Variants in EP300 observed in about 807,000 individuals in gnomAD.
The protein encoded by EP300 is histone acetyltransferase p300.
In EP300, 31 loss-of-function variants were observed where a neutral mutation model predicts 264.0. The ratio of observed to expected loss-of-function variants is 0.12; its 90% CI spans 0.09 to 0.16. EP300 has a LOEUF of 0.16. Ranked by LOEUF, EP300 falls within the 10% of genes least tolerant of loss-of-function variation. The pLI is 1.00. For missense variants in EP300, 2,766 were observed against 3,052.9 expected (o/e 0.91, Z 2.21); for synonymous variants, 1,340 against 1,045.4 (o/e 1.28, Z -5.44).
rs187678771 is a variant in EP300 at position 41,101,273 on chromosome 22, C to G, written c.94+8175C>G. On this transcript the variant is annotated intron_variant, in intron 1 of 30. Coordinates refer to ENST00000263253, the MANE Select transcript of EP300 (RefSeq NM_001429.4). ...TATTTTTAGTAGAGATAGGGTTTCA[C>G]CGTGTTGGCCAGGCTGGTCTCGAAC... 3.0e-3 allele frequency among the ~76,000 whole-genome samples: 454 copies of G among 152,044 alleles called. 1 individual carries two copies. The highest frequency in any genetic ancestry group is 0.011 in the African/African-American group (441 of 41,452).
In EP300 at chr22:41,169,083, G is replaced by A. The variant is rs146264249; in HGVS notation, c.4172+216G>A. ...GCTCTTCTGTGGTCATAGTAATAAAGGATATGAATAGCAACCTGAAATTGG... is the reference window on the plus strand; with the variant it reads ...GCTCTTCTGTGGTCATAGTAATAAAAGATATGAATAGCAACCTGAAATTGG... On this transcript the variant is annotated intron_variant, in intron 25 of 30. Coordinates refer to ENST00000263253, the MANE Select transcript of EP300 (RefSeq NM_001429.4). 43 of 649,208 alleles carry A rather than the reference G, an allele frequency of 6.6e-5. No homozygotes were observed. In the African/African-American group the frequency reaches 6.9e-4, roughly 10 times the overall value. The allele number at this position is 649,208 out of a possible 1,614,324, so 40.2% of individuals were successfully genotyped here. A position where few individuals can be genotyped will look rare whatever the true frequency, so the allele number is the denominator to read the frequency against.
At position 41,168,750 on chromosome 22, in the gene EP300, C is replaced by T. The variant is rs748959061; in HGVS notation, c.4055C>T (p.Ser1352Phe). ...GTGGACAGTGGAGAGATGGCAGAATCCTTTCCATACCGAACCAAAGCCCTC... is the reference window on the plus strand; with the variant it reads ...GTGGACAGTGGAGAGATGGCAGAATTCTTTCCATACCGAACCAAAGCCCTC... The part of the protein sequence containing the change: ...RFVDSGEMAE[S>F]FPYRTKALFA... Residue 1352 changes from serine (S) to phenylalanine (F), a missense_variant, in exon 25 of 31, where the codon TCC (serine) becomes TTC (phenylalanine). Ser to Phe is a radical substitution (Grantham distance 155). Transcript: ENST00000263253. The T allele has an allele frequency of 5.0e-6, 8 of 1,614,204 alleles. No homozygotes were observed. The highest frequency in any genetic ancestry group is 5.9e-6 in the Non-Finnish European group (7 of 1,180,042).
intron 10 of EP300, among the ~76,000 whole-genome samples, chr22:41,144,981 C>G (rs947110389): frequency 9.9e-5 from 15 of 152,256 alleles, no homozygotes; most frequent in South Asian, 6.2e-4. Context: ...ATGGCTGACT[C>G]TAGAAGAGCT....
chr22:41,115,927 G>C (rs1164700115), intron 1 of EP300, among the ~76,000 whole-genome samples: 1 of 152,218 alleles, frequency 6.6e-6, no homozygotes, highest in Non-Finnish European at 1.5e-5. Flanking sequence ...CACACACTGA[G>C]TGTTCCACAA....
In EP300 at chr22:41,176,991, G is replaced by A. The variant is rs148892028; in HGVS notation, c.5280G>A (p.Lys1760=). The change falls in exon 31 of 31, where the codon AAG becomes AAA. Residue 1760 remains lysine, a synonymous_variant. Coordinates refer to ENST00000263253, the MANE Select transcript of EP300 (RefSeq NM_001429.4). ...NANCSLPSCQ[K]MKRVVQHTKG... is the part of the protein sequence containing the mutation. Reference sequence around the variant, plus strand: ...ATTGCTCACTGCCATCCTGCCAGAAGATGAAGCGGGTTGTGCAGCATACCA... The same window carrying A: ...ATTGCTCACTGCCATCCTGCCAGAAAATGAAGCGGGTTGTGCAGCATACCA... 1.9e-6 allele frequency: 3 copies of A among 1,614,064 alleles called. No homozygotes were observed. The highest frequency in any genetic ancestry group is 2.7e-5 in the African/African-American group (2 of 74,922).
intron 8 of EP300, among the ~76,000 whole-genome samples, chr22:41,139,234 G>A (rs537431521): frequency 5.9e-4 from 90 of 152,118 alleles, no homozygotes; most frequent in African/African-American, 2.0e-3. Flanking sequence ...GATTATAGGC[G>A]TTGAGCCACT....
At chr22:41,103,382 C>T (rs568766480) in intron 1 of EP300, among the ~76,000 whole-genome samples, 4 of 152,236 alleles carry the variant, frequency 2.6e-5, no homozygotes, top group South Asian at 2.1e-4. Flanking sequence ...ATTAAGGTGC[C>T]TTCTGCTGTC....
intron 20 of EP300, among the ~76,000 whole-genome samples, chr22:41,161,996 C>A (rs2059111030): frequency 6.6e-6 from 1 of 152,190 alleles, no homozygotes; most frequent in Admixed American, 6.5e-5. Flanking sequence ...ATTGAACTCT[C>A]AGGTGGCTTA....
intron 4 of EP300, among the ~76,000 whole-genome samples, chr22:41,128,212 T>C (rs1477701133): frequency 6.6e-6 from 1 of 152,166 alleles, no homozygotes; most frequent in Non-Finnish European, 1.5e-5. Flanking sequence ...CCCAGCACTT[T>C]GGGAGACTGA....
chr22:41,112,320 G>T (rs1311927642), intron 1 of EP300, among the ~76,000 whole-genome samples: 1 of 152,104 alleles, frequency 6.6e-6, no homozygotes, highest in South Asian at 2.1e-4. Flanking sequence ...CTCCCAAGTA[G>T]CTGGGACTAC....
chr22:41,118,498 G>A (rs1312678534), intron 2 of EP300, among the ~76,000 whole-genome samples: 2 of 152,070 alleles, frequency 1.3e-5, no homozygotes, highest in Non-Finnish European at 2.9e-5. Context: ...TCTTAAAATG[G>A]GATCACACTA....
In EP300 at chr22:41,137,807, A is replaced by G. The variant is rs1018807630; in HGVS notation, c.1760+17A>G. On this transcript the variant is annotated intron_variant, in intron 8 of 30. Coordinates refer to ENST00000263253, the MANE Select transcript of EP300 (RefSeq NM_001429.4). ...TCACAAACTGTAAGTAAGATTGTGG[A>G]CACGTCTCATTCGTAAAGAGATGTT... 5.0e-6 allele frequency: 8 copies of G among 1,614,152 alleles called. No homozygotes were observed. Among genetic ancestry groups the G allele is most frequent in the Non-Finnish European group, 2.5e-6 (3 of 1,180,004 alleles).
Position 41,177,828 on chromosome 22 carries a change from C to A in EP300, c.6117C>A (p.Ser2039Arg), listed in dbSNP as rs1274849558. 6.2e-7 allele frequency: 1 copy of A among 1,614,100 alleles called. No homozygotes were observed. The highest frequency in any genetic ancestry group is 8.5e-7 in the Non-Finnish European group (1 of 1,180,032). The change falls in exon 31 of 31, where the codon AGC (serine) becomes AGA (arginine). Residue 2039 changes from serine to arginine, a missense_variant. Transcript: ENST00000263253. ...CAGGATTGGGCCAGGTAGGTATCAG[C>A]CCACTCAAACCAGGCACTGTGTCTC... ...PQPGLGQVGI[S>R]PLKPGTVSQQ...
chr22:41,131,785 C>A (rs1363209531), intron 6 of EP300, 152 bp downstream of exon 6: 4 of 1,119,508 alleles, frequency 3.6e-6, no homozygotes, highest in Non-Finnish European at 5.1e-6. Flanking sequence ...CCTTACAGTT[C>A]ATCTACGAGA....
Position 41,178,277 on chromosome 22 carries a change from TGCAACAGCAGCA to T in EP300, c.6574_6585del (p.Gln2192_Gln2195del), listed in dbSNP as rs875989807. On this transcript the variant is annotated inframe_deletion, in exon 31 of 31. Coordinates refer to ENST00000263253, the MANE Select transcript of EP300 (RefSeq NM_001429.4). ...GACATCTTGAGACGACAGCAAATGA[TGCAACAGCAGCA>T]GCAACAGGGAGCAGGGCCAGGAATA... 1.5e-4 allele frequency: 238 copies of T among 1,613,900 alleles called. No individual in the cohort carries two copies. The highest frequency in any genetic ancestry group is 1.3e-4 in the South Asian group (12 of 91,072).
chr22:41,122,996 A>G (rs142890275), intron 2 of EP300, among the ~76,000 whole-genome samples: 282 of 152,280 alleles, frequency 1.9e-3, no homozygotes, highest in African/African-American at 6.4e-3. Context: ...TGATAATGCA[A>G]CTGCACTCCA....
At chr22:41,147,220 C>A (rs2059016235) in intron 11 of EP300, among the ~76,000 whole-genome samples, 1 of 151,016 alleles carries the variant, frequency 6.6e-6, no homozygotes, top group Admixed American at 6.6e-5. Flanking sequence ...GCTGGAGAAT[C>A]ACTTGAACCC....
chr22:41,123,903 A>G (rs1327629092), intron 2 of EP300, among the ~76,000 whole-genome samples: 3 of 152,252 alleles, frequency 2.0e-5, no homozygotes, highest in African/African-American at 7.2e-5. Flanking sequence ...TTATTATAGT[A>G]TAATGGCTCC....
intron 13 of EP300, 97 bp from the exon 14 acceptor site, chr22:41,149,664 A>C (rs2059031739): frequency 7.9e-7 from 1 of 1,259,140 alleles, no homozygotes; most frequent in Non-Finnish European, 1.1e-6. Flanking sequence ...CTCTTTGTTT[A>C]ATCAGTTTGT....
Sources: allele counts gnomAD v4.1 joint callset (sites outside exome capture counted in the v4.1 genomes callset), GRCh38; gene constraint gnomAD v4.1.1; transcripts MANE v1.5; gene names NCBI Gene and HGNC (gene_info 2026-07-23, HGNC 2026-07-21).